Variants in FAM177A1 observed in about 807,000 individuals in gnomAD.
FAM177A1 encodes family with sequence similarity 177 member A1.
Under a neutral mutation model 26.1 loss-of-function variants are expected in FAM177A1, and 22 were observed. The ratio of observed to expected loss-of-function variants is 0.84; its 90% CI spans 0.60 to 1.20. The LOEUF (loss-of-function observed/expected upper bound fraction) is 1.20, where lower values mean the gene tolerates loss of function less well. FAM177A1 is among the 50% of genes most tolerant of loss of function. The probability of loss-of-function intolerance (pLI) is 0.00; values close to 1 mark genes in which losing one functional copy is unlikely to be tolerated. For synonymous variants in FAM177A1, 95 were observed against 99.3 expected (o/e 0.96, Z 0.26); for missense variants, 296 against 291.1 (o/e 1.02, Z -0.12).
intron 2 of FAM177A1, among the ~76,000 whole-genome samples, chr14:35,065,630 G>T (rs907305942): frequency 6.6e-6 from 1 of 151,404 alleles, no homozygotes; most frequent in Non-Finnish European, 1.5e-5. Flanking sequence ...ACTTCCACCA[G>T]CAATAGATGG....
chr14:35,046,664 C>G (rs1595032266), intron 1 of FAM177A1, 36 bp downstream of exon 1: 1 of 1,508,390 alleles, frequency 6.6e-7, no homozygotes, highest in Non-Finnish European at 8.9e-7. Context: ...TCCGGGGAGC[C>G]GAGCCGCCTC....
At chr14:35,064,374 A>T (rs1375527396) in intron 2 of FAM177A1, among the ~76,000 whole-genome samples, 1 of 152,132 alleles carries the variant, frequency 6.6e-6, no homozygotes, top group African/African-American at 2.4e-5. Flanking sequence ...GCAACAGAAC[A>T]TGACTTTGTC....
chr14:35,055,441 GTTT>G (rs770110194), intron 2 of FAM177A1, among the ~76,000 whole-genome samples: 2 of 136,734 alleles, frequency 1.5e-5, no homozygotes, highest in Admixed American at 7.5e-5. Flanking sequence ...TGCAATAACT[GTTT>G]TTTTTTTTTT....
chr14:35,045,427 T>A (rs1438411586), upstream of FAM177A1, among the ~76,000 whole-genome samples: 2 of 152,210 alleles, frequency 1.3e-5, no homozygotes, highest in African/African-American at 2.4e-5. Context: ...AAGGAATATT[T>A]AATATTTGGG....
intron 1 of FAM177A1, among the ~76,000 whole-genome samples, chr14:35,047,929 C>G (rs951442362): frequency 6.6e-6 from 1 of 152,136 alleles, no homozygotes. Flanking sequence ...CTCTGTGTAT[C>G]TCTTATAGTA....
At chr14:35,062,353 A>G (rs535299195) in intron 2 of FAM177A1, among the ~76,000 whole-genome samples, 1 of 152,292 alleles carries the variant, frequency 6.6e-6, no homozygotes, top group Non-Finnish European at 1.5e-5. Flanking sequence ...GACCATGTAT[A>G]TAGCATATTC....
chr14:35,056,647 C>G (rs1198699496), intron 2 of FAM177A1, among the ~76,000 whole-genome samples: 3 of 152,110 alleles, frequency 2.0e-5, no homozygotes, highest in African/African-American at 7.2e-5. Context: ...TGTGAGCCAG[C>G]GCCTGGCCTT....
Position 35,046,613 on chromosome 14 carries a change from G to T in FAM177A1, c.150G>T (p.Gly50=). 6.5e-7 allele frequency: 1 copy of T among 1,547,422 alleles called. No homozygotes were observed. Among genetic ancestry groups the T allele is most frequent in the East Asian group, 2.5e-5 (1 of 40,550 alleles). The change falls in exon 1 of 5, where the codon GGG becomes GGT. Residue 50 remains glycine (G), a synonymous_variant. Transcript: ENST00000280987. ...GAGCTGCGGCCGCCGCGGCATTCGG[G>T]GAATCTGCAGGGCAGGTAGGTGGGG... ...ASGAAAAAAF[G]ESAGQMSNER... is the part of the protein sequence containing the mutation.
intron 2 of FAM177A1, among the ~76,000 whole-genome samples, chr14:35,058,955 T>G (rs1167033436): frequency 1.3e-5 from 2 of 152,158 alleles, no homozygotes; most frequent in Non-Finnish European, 2.9e-5. Context: ...TCTTTTTTTT[T>G]GGGACGGAGT....
intron 2 of FAM177A1, chr14:35,054,985 A>AAAAAAATAAAAAAT (rs201501430): frequency 6.6e-6 from 1 of 151,028 alleles, no homozygotes. Flanking sequence ...CTCAAAAAAT[A>AAAAAAATAAAAAAT]AAAAAATAAA....
chr14:35,078,069 C>T (rs943006313), intron 3 of FAM177A1, among the ~76,000 whole-genome samples: 4 of 152,112 alleles, frequency 2.6e-5, no homozygotes, highest in African/African-American at 7.2e-5. Flanking sequence ...AGCTTTTTAT[C>T]ACTTTCTGCA....
At chr14:35,061,390 C>T (rs1186636899) in intron 2 of FAM177A1, among the ~76,000 whole-genome samples, 1 of 151,274 alleles carries the variant, frequency 6.6e-6, no homozygotes, top group Non-Finnish European at 1.5e-5. Flanking sequence ...GACAATGGCT[C>T]ATTTCTGTCT....
chr14:35,073,210 C>A (rs1299694081), intron 2 of FAM177A1, among the ~76,000 whole-genome samples: 1 of 152,160 alleles, frequency 6.6e-6, no homozygotes, highest in African/African-American at 2.4e-5. Flanking sequence ...AGCTGGACTA[C>A]AGGTGCACGC....
At chr14:35,053,509 TC>T in intron 2 of FAM177A1, 58 bp downstream of exon 2, 1 of 1,554,160 alleles carries the variant, frequency 6.4e-7, no homozygotes, top group South Asian at 1.2e-5. Context: ...TTATTTTTTT[TC>T]CCTAAACATT....
intron 2 of FAM177A1, among the ~76,000 whole-genome samples, chr14:35,071,143 C>A (rs868190722): frequency 1.3e-4 from 19 of 151,912 alleles, no homozygotes; most frequent in Non-Finnish European, 2.8e-4. Context: ...ACTACAGGCA[C>A]CTGCCACCAC....
rs553422831 is a variant in FAM177A1 at position 35,080,748 on chromosome 14, C to T, written c.505-274C>T. Reference sequence around the variant, plus strand: ...CCTGGGAGATGGAGGTTGCAGTGAGCCACTGCACTCCAGCCTGGGTGACAG... The same window carrying T: ...CCTGGGAGATGGAGGTTGCAGTGAGTCACTGCACTCCAGCCTGGGTGACAG... On this transcript the variant is annotated intron_variant, in intron 4 of 4. Transcript: ENST00000280987. 3.9e-5 allele frequency among the ~76,000 whole-genome samples: 6 copies of T among 152,092 alleles called. No homozygotes were observed. In the South Asian group the frequency reaches 8.3e-4, roughly 21 times the overall value.
At chr14:35,053,822 T>C (rs990962034) in intron 2 of FAM177A1, among the ~76,000 whole-genome samples, 1 of 152,008 alleles carries the variant, frequency 6.6e-6, no homozygotes, top group Admixed American at 6.6e-5. Context: ...CAAAACGCCA[T>C]CTCTACTAAA....
intron 1 of FAM177A1, among the ~76,000 whole-genome samples, chr14:35,051,308 C>T (rs1447471269): frequency 6.6e-6 from 1 of 151,944 alleles, no homozygotes; most frequent in Non-Finnish European, 1.5e-5. Flanking sequence ...TTAGTGGAGA[C>T]AGGGTTTCAC....
intron 2 of FAM177A1, among the ~76,000 whole-genome samples, chr14:35,066,738 A>G (rs2045247183): frequency 6.6e-6 from 1 of 151,860 alleles, no homozygotes; most frequent in South Asian, 2.1e-4. Flanking sequence ...CTTGATGTAT[A>G]TATTTAAATG....
Sources: gnomAD v4.1 joint callset for allele counts (sites outside exome capture counted in the v4.1 genomes callset) on GRCh38, gnomAD v4.1.1 for gene constraint, MANE v1.5 for transcripts, NCBI Gene and HGNC (gene_info 2026-07-23, HGNC 2026-07-21) for gene names.